Variants in ATP10B observed in about 807,000 individuals in gnomAD.
ATP10B encodes phospholipid-transporting ATPase VB.
Under a neutral mutation model 141.2 loss-of-function variants are expected in ATP10B, and 122 were observed. The observed-to-expected ratio is 0.86, with a 90% CI of 0.75 to 1.00. The LOEUF (loss-of-function observed/expected upper bound fraction) is 1.00. ATP10B is among the 50% of genes least tolerant of loss of function. The pLI is 0.00. For synonymous variants in ATP10B, 685 were observed against 692.0 expected, an observed-to-expected ratio of 0.99 and a Z score of 0.16; for missense variants, 1,876 against 1,825.3, an observed-to-expected ratio of 1.03 and a Z score of -0.51.
intron 7 of ATP10B, among the ~76,000 whole-genome samples, chr5:160,668,226 CAAAAAA>C (rs34528836): frequency 1.3e-4 from 15 of 112,726 alleles, no homozygotes; most frequent in African/African-American, 3.3e-4. Flanking sequence ...CGAGACTGTC[CAAAAAA>C]AAAAAAAAAA....
the ATP10B span, among the ~76,000 whole-genome samples, chr5:160,878,664 A>G: frequency 6.6e-6 from 1 of 152,232 alleles, no homozygotes; most frequent in Non-Finnish European, 1.5e-5. Context: ...TCCACAATCT[A>G]CAATGAACTC....
At chr5:160,755,871 A>ATATATATATATATG (rs1561820609) in intron 2 of ATP10B, among the ~76,000 whole-genome samples, 1 of 114,664 alleles carries the variant, frequency 8.7e-6, no homozygotes, top group East Asian at 2.5e-4. Context: ...ATATATATAT[A>ATATATATATATATG]TATATATTAT....
At chr5:160,610,598 A>G (rs1298148127) in intron 18 of ATP10B, among the ~76,000 whole-genome samples, 1 of 152,242 alleles carries the variant, frequency 6.6e-6, no homozygotes, top group South Asian at 2.1e-4. Context: ...ATGTACTAAA[A>G]GTAAGTAGTT....
At chr5:160,828,350 A>C (rs1375050447) in intron 1 of ATP10B, among the ~76,000 whole-genome samples, 3 of 152,172 alleles carry the variant, frequency 2.0e-5, no homozygotes, top group Non-Finnish European at 4.4e-5. Context: ...CAATGAACTT[A>C]AACAAATTTA....
intron 17 of ATP10B, among the ~76,000 whole-genome samples, chr5:160,615,322 C>A (rs1016766755): frequency 2.0e-5 from 3 of 151,962 alleles, no homozygotes; most frequent in Non-Finnish European, 4.4e-5. Context: ...AGTTCACTGC[C>A]TTCCTAGACC....
At chr5:160,774,882 G>A (rs1022121043) in intron 2 of ATP10B, among the ~76,000 whole-genome samples, 1 of 152,080 alleles carries the variant, frequency 6.6e-6, no homozygotes, top group Non-Finnish European at 1.5e-5. Context: ...CAGTGTCTTA[G>A]GGTTGCACAG....
At chr5:160,637,041 A>ATCCATCCATCCATCC (rs1759449996) in intron 10 of ATP10B, among the ~76,000 whole-genome samples, 1 of 55,932 alleles carries the variant, frequency 1.8e-5, no homozygotes, top group Non-Finnish European at 3.3e-5. Flanking sequence ...TCCATCCATG[A>ATCCATCCATCCATCC]ATCCATCCAT....
intron 2 of ATP10B, among the ~76,000 whole-genome samples, chr5:160,729,116 T>A (rs1378679496): frequency 1.3e-5 from 2 of 152,232 alleles, no homozygotes; most frequent in Admixed American, 1.3e-4. Context: ...ACTGAATAAT[T>A]ACATTATTGT....
intron 3 of ATP10B, among the ~76,000 whole-genome samples, chr5:160,704,225 T>A (rs568893334): frequency 1.4e-4 from 22 of 152,284 alleles, no homozygotes; most frequent in Non-Finnish European, 2.2e-4. Context: ...CTATTTTTTT[T>A]TTATTATTAT....
chr5:160,601,200 T>C (rs1757082175), intron 21 of ATP10B, among the ~76,000 whole-genome samples: 1 of 152,228 alleles, frequency 6.6e-6, no homozygotes, highest in Non-Finnish European at 1.5e-5. Flanking sequence ...ACATTACTTT[T>C]TGTCATGCTG....
intron 22 of ATP10B, among the ~76,000 whole-genome samples, chr5:160,597,718 A>G (rs1158664675): frequency 1.3e-5 from 2 of 152,184 alleles, no homozygotes; most frequent in African/African-American, 4.8e-5. Flanking sequence ...AAACAACCCC[A>G]TCAAAAAGTG....
rs1449733689 is a variant in ATP10B, at chr5:160,612,741, C to T, written c.2838G>A (p.Gln946=). 1 of 1,609,964 alleles carries T rather than the reference C, an allele frequency of 6.2e-7. No homozygotes were observed. Among genetic ancestry groups the T allele is most frequent in the Admixed American group, 1.7e-5 (1 of 59,932 alleles). ...DTVYTINTEN[Q]ETCESILNCA... Reference sequence around the variant, plus strand: ...ATATCAATACAGAGAATCACCTCACCTGATTCTCTGTATTGATGGTATAAA... The same window carrying T: ...ATATCAATACAGAGAATCACCTCACTTGATTCTCTGTATTGATGGTATAAA... The change falls in exon 18 of 26, where the codon CAG becomes CAA. Residue 946 remains glutamine (Q), a splice_region_variant and synonymous_variant. Coordinates refer to ENST00000327245, the MANE Select transcript of ATP10B (RefSeq NM_025153.3).
chr5:160,868,400 C>T, the ATP10B span, among the ~76,000 whole-genome samples: 3 of 151,934 alleles, frequency 2.0e-5, no homozygotes, highest in Non-Finnish European at 4.4e-5. Context: ...GCAGTTTATG[C>T]CACATACATT....
the ATP10B span, among the ~76,000 whole-genome samples, chr5:160,909,388 G>A: frequency 1.3e-5 from 2 of 152,244 alleles, no homozygotes; most frequent in African/African-American, 4.8e-5. Context: ...TGATACTAGA[G>A]CTTTGGTCTT....
intron 1 of ATP10B, among the ~76,000 whole-genome samples, chr5:160,808,964 G>T (rs1174989853): frequency 2.6e-5 from 4 of 152,186 alleles, no homozygotes; most frequent in Non-Finnish European, 5.9e-5. Context: ...TTTGCTGGCA[G>T]TCTCTAGTAT....
chr5:160,709,252 A>T (rs1373718094), intron 3 of ATP10B, among the ~76,000 whole-genome samples: 1 of 152,198 alleles, frequency 6.6e-6, no homozygotes, highest in Admixed American at 6.5e-5. Context: ...AAAACTGATA[A>T]ATCTCACTAT....
the ATP10B span, among the ~76,000 whole-genome samples, chr5:160,903,349 G>A: frequency 2.0e-3 from 303 of 152,262 alleles, 1 homozygote; most frequent in African/African-American, 7.0e-3. Flanking sequence ...CCTCCCCCAT[G>A]CAGTCCCCAG....
rs372642494 is a variant in ATP10B, at chr5:160,830,662, AT to A, written c.-576+21278del. Reference sequence around the variant, plus strand: ...CAAATTTTTATGTATGAAACTCTGGATTTTTTTTTTAAGTTGAGATTTTGAT... The same window carrying A: ...CAAATTTTTATGTATGAAACTCTGGATTTTTTTTTAAGTTGAGATTTTGAT... On this transcript the variant is annotated intron_variant, in intron 1 of 25. Coordinates refer to ENST00000327245, the MANE Select transcript of ATP10B (RefSeq NM_025153.3). Among the ~76,000 whole-genome samples the A allele has an allele frequency of 4.8e-3, 718 of 149,944 alleles. 6 individuals carry two copies. The highest frequency in any genetic ancestry group is 0.014 in the African/African-American group (587 of 40,944).
intron 2 of ATP10B, among the ~76,000 whole-genome samples, chr5:160,779,415 T>C (rs1386621484): frequency 6.6e-6 from 1 of 152,172 alleles, no homozygotes; most frequent in Admixed American, 6.5e-5. Flanking sequence ...CTGAGTTTCC[T>C]CTTGCTAACC....
Sources: allele counts gnomAD v4.1 joint callset (sites outside exome capture counted in the v4.1 genomes callset), GRCh38; gene constraint gnomAD v4.1.1; transcripts MANE v1.5; gene names NCBI Gene and HGNC (gene_info 2026-07-23, HGNC 2026-07-21).